C4orf17: variants seen among roughly 807,000 people sequenced by gnomAD.
The protein encoded by C4orf17 is chromosome 4 open reading frame 17, also known as uncharacterized protein C4orf17.
C4orf17 carries 25 observed loss-of-function variants against 32.0 expected under a neutral mutation model. The observed-to-expected ratio is 0.78, with a 90% CI of 0.57 to 1.09. C4orf17 has a LOEUF of 1.09. Among genes scored for constraint, C4orf17 ranks in the 50% least tolerant of loss-of-function variants. C4orf17 has a pLI of 0.00. For synonymous variants in C4orf17, 149 were observed against 145.8 expected (o/e 1.02, Z -0.16); for missense variants, 420 against 420.0 (o/e 1.00, Z 0.00).
At chr4:99,517,655 A>T (rs1723210157) in intron 2 of C4orf17, among the ~76,000 whole-genome samples, 1 of 151,832 alleles carries the variant, frequency 6.6e-6, no homozygotes, top group South Asian at 2.1e-4. Flanking sequence ...TCCTAGCTTA[A>T]TTTTTGTTCT....
chr4:99,527,169 A>G (rs1346769440), intron 4 of C4orf17, among the ~76,000 whole-genome samples: 1 of 152,138 alleles, frequency 6.6e-6, no homozygotes, highest in Non-Finnish European at 1.5e-5. Context: ...GTTACTTAAA[A>G]TCATATTATT....
chr4:99,518,595 A>G (rs1723236348), intron 2 of C4orf17, among the ~76,000 whole-genome samples: 1 of 139,364 alleles, frequency 7.2e-6, no homozygotes, highest in African/African-American at 2.7e-5. Context: ...GGAGGGAGAC[A>G]GAGAGAGAGA....
At position 99,511,179 on chromosome 4, in the gene C4orf17, A is replaced by T. The variant is rs1723087610; in HGVS notation, c.-187A>T. ...AGTGCAGAGATTTAAGGAGATCAAC[A>T]AAAACTCAGTCTAGACATATTATGA... On this transcript the variant is annotated 5_prime_UTR_variant, in exon 1 of 9. Transcript: ENST00000326581. 6.6e-6 allele frequency: 1 copy of T among 152,204 alleles called. No homozygotes were observed. The highest frequency in any genetic ancestry group is 2.4e-5 in the African/African-American group (1 of 41,462). 9.4% of individuals were successfully genotyped at this position (152,204 alleles called of 1,614,324 possible).
At chr4:99,513,429 A>C (rs1003469413) in intron 2 of C4orf17, among the ~76,000 whole-genome samples, 4 of 152,126 alleles carry the variant, frequency 2.6e-5, no homozygotes, top group African/African-American at 9.7e-5. Flanking sequence ...GTAACCCTTA[A>C]ATTGCTTGAT....
chr4:99,535,956 T>A (rs1282714840), intron 5 of C4orf17: 1 of 423,122 alleles, frequency 2.4e-6, no homozygotes, highest in African/African-American at 2.6e-5. Flanking sequence ...CTGTTTTTCT[T>A]CTAACAGGCC....
At chr4:99,513,277 G>C (rs1371397156) in intron 2 of C4orf17, 69 bp downstream of exon 2, 61 of 1,576,238 alleles carry the variant, frequency 3.9e-5, no homozygotes, top group Non-Finnish European at 8.7e-7. Context: ...AATTCTGGCA[G>C]GTAAACACAA....
At chr4:99,536,140 G>T (rs1001929323) in intron 5 of C4orf17, 2 of 328,172 alleles carry the variant, frequency 6.1e-6, no homozygotes, top group Non-Finnish European at 1.2e-5. Flanking sequence ...TTGCTGGCTC[G>T]AATGCTCCTA....
At chr4:99,532,419 G>T (rs12648614) in intron 5 of C4orf17, among the ~76,000 whole-genome samples, 12,282 of 152,118 alleles carry the variant, frequency 0.081, 859 homozygotes, top group East Asian at 0.19. Context: ...CAGCTAGAGG[G>T]CATTATTCTA....
intron 2 of C4orf17, among the ~76,000 whole-genome samples, chr4:99,521,477 A>G (rs1723286755): frequency 6.6e-6 from 1 of 152,226 alleles, no homozygotes; most frequent in Non-Finnish European, 1.5e-5. Context: ...AGCTCAGAGA[A>G]GCAGTGTGCA....
intron 2 of C4orf17, among the ~76,000 whole-genome samples, chr4:99,518,582 G>GAA (rs1560585676): frequency 9.1e-5 from 10 of 110,078 alleles, no homozygotes; most frequent in African/African-American, 4.4e-4. Flanking sequence ...GAGAGAGAGA[G>GAA]AGGGAGGGAG....
chr4:99,522,174 G>A (rs1238239377), intron 2 of C4orf17, among the ~76,000 whole-genome samples: 1 of 152,020 alleles, frequency 6.6e-6, no homozygotes, highest in African/African-American at 2.4e-5. Context: ...TCAAGCTTTG[G>A]GAAGTGTGAG....
chr4:99,520,193 C>T (rs570417890), intron 2 of C4orf17, among the ~76,000 whole-genome samples: 2 of 151,980 alleles, frequency 1.3e-5, no homozygotes, highest in Non-Finnish European at 2.9e-5. Flanking sequence ...GGGTTCATGC[C>T]ATTCTCCTGC....
At chr4:99,536,234 G>A (rs1461803984) in intron 5 of C4orf17, 1 of 189,766 alleles carries the variant, frequency 5.3e-6, no homozygotes, top group East Asian at 1.7e-4. Context: ...GAAGCAGTCT[G>A]ACTGCTTTTG....
chr4:99,530,747 T>G (rs1680568052), intron 5 of C4orf17, among the ~76,000 whole-genome samples: 1 of 152,130 alleles, frequency 6.6e-6, no homozygotes, highest in Admixed American at 6.6e-5. Context: ...CAGAGTATGA[T>G]AGTGACATTG....
intron 6 of C4orf17, among the ~76,000 whole-genome samples, chr4:99,538,272 A>G (rs1295358482): frequency 1.3e-5 from 2 of 152,184 alleles, no homozygotes; most frequent in African/African-American, 2.4e-5. Flanking sequence ...AATCGGGACA[A>G]TGATAAATGG....
Position 99,539,082 on chromosome 4 carries a change from G to C in C4orf17, c.629-81G>C. On this transcript the variant is annotated intron_variant, in intron 6 of 8. Transcript: ENST00000326581. The stretch of plus-strand genomic sequence containing the variant: ...TAGATGACCAGTCTTTCATACTCAG[G>C]AGCTGGATATTCCTGTGTTTCTATC... 2.4e-6 allele frequency: 3 copies of C among 1,243,746 alleles called. No homozygotes were observed. The South Asian group carries it at 3.9e-5, about 16-fold the overall frequency. The allele number at this position is 1,243,746 out of a possible 1,614,324, so 77.0% of individuals were successfully genotyped here. A position where few individuals can be genotyped will look rare whatever the true frequency, so the allele number is the denominator to read the frequency against.
chr4:99,535,451 C>G (rs1424443221), intron 5 of C4orf17, among the ~76,000 whole-genome samples: 2 of 151,934 alleles, frequency 1.3e-5, no homozygotes, highest in East Asian at 3.9e-4. Flanking sequence ...ATTCTTTTTT[C>G]TCTATTTTTG....
intron 7 of C4orf17, among the ~76,000 whole-genome samples, chr4:99,539,810 A>G (rs1723627126): frequency 6.6e-6 from 1 of 152,100 alleles, no homozygotes; most frequent in Admixed American, 6.5e-5. Context: ...CAAGATTAAA[A>G]TAAATTGCTT....
rs771495644 is a variant in C4orf17, at chr4:99,539,272, A to C, written c.738A>C (p.Pro246=). 1 of 1,614,092 alleles carries C rather than the reference A, an allele frequency of 6.2e-7. No individual in the cohort carries two copies. Among genetic ancestry groups the C allele is most frequent in the East Asian group, 2.2e-5 (1 of 44,870 alleles). Residue 246 remains proline (P), a synonymous_variant, in exon 7 of 9, where the codon CCA becomes CCC. Transcript: ENST00000326581. ...AACCAGCAGCAGAGACTGGGAAGCC[A>C]CCCACAGTTAAATCACCACCCACAG... ...SMEPAAETGK[P]PTVKSPPTVK... is the part of the protein sequence containing the mutation.
Sources: allele counts gnomAD v4.1 joint callset (sites outside exome capture counted in the v4.1 genomes callset), GRCh38; gene constraint gnomAD v4.1.1; transcripts MANE v1.5; gene names NCBI Gene and HGNC (gene_info 2026-07-23, HGNC 2026-07-21).